Variants in HSF2BP observed in about 807,000 individuals in gnomAD.
HSF2BP encodes heat shock transcription factor 2 binding protein, also known as heat shock factor 2-binding protein.
In HSF2BP, 35 loss-of-function variants were observed where a neutral mutation model predicts 35.0. The observed-to-expected ratio is 1.00, with a 90% CI of 0.76 to 1.32. The LOEUF is 1.32. HSF2BP is among the 40% of genes most tolerant of loss of function. HSF2BP has a pLI of 0.00. For missense variants in HSF2BP, 326 were observed against 321.7 expected, an observed-to-expected ratio of 1.01 and a Z score of -0.10; for synonymous variants, 114 against 117.4, an observed-to-expected ratio of 0.97 and a Z score of 0.18.
chr21:43,642,948 G>A (rs572972114), intron 4 of HSF2BP, among the ~76,000 whole-genome samples: 2 of 152,058 alleles, frequency 1.3e-5, no homozygotes, highest in East Asian at 3.9e-4. Context: ...CTGACCGCAA[G>A]CGAACCGCCC....
chr21:43,594,246 C>A lies in HSF2BP; in HGVS notation c.693-1918G>T, dbSNP rs555937731. On this transcript the variant is annotated intron_variant, in intron 7 of 8. Coordinates refer to ENST00000291560, the MANE Select transcript of HSF2BP (RefSeq NM_007031.2). Reference sequence around the variant, plus strand: ...GAACTGAAAGAATTTGAAGGACAGACTTCAGAAAAAGGAAAATGACGTTGG... The same window carrying A: ...GAACTGAAAGAATTTGAAGGACAGAATTCAGAAAAAGGAAAATGACGTTGG... Among the ~76,000 whole-genome samples the A allele has an allele frequency of 2.0e-5, 3 of 152,222 alleles. No homozygotes were observed. The East Asian group carries it at 5.8e-4, about 29-fold the overall frequency.
Position 43,658,147 on chromosome 21 carries a change from C to G in HSF2BP, c.-51G>C. The G allele has an allele frequency of 6.7e-7, 1 of 1,484,034 alleles. No homozygotes were observed. Among genetic ancestry groups the G allele is most frequent in the Admixed American group, 2.3e-5 (1 of 42,878 alleles). The allele number at this position is 1,484,034 out of a possible 1,614,324, so 91.9% of individuals were successfully genotyped here. A position where few individuals can be genotyped will look rare whatever the true frequency, so the allele number is the denominator to read the frequency against. ...GCCTGAGCGTCGGCGCGCCCTCTGA[C>G]CCCTCACGCCAGAAAGCGCGGGAAC... On this transcript the variant is annotated 5_prime_UTR_variant, in exon 2 of 9. Transcript: ENST00000291560.
At chr21:43,577,693 G>A (rs1272927562) in intron 8 of HSF2BP, among the ~76,000 whole-genome samples, 1 of 152,126 alleles carries the variant, frequency 6.6e-6, no homozygotes, top group Non-Finnish European at 1.5e-5. Context: ...TATCCCCTGT[G>A]ACCTGCACGT....
chr21:43,573,691 C>T (rs778892119), intron 8 of HSF2BP, among the ~76,000 whole-genome samples: 3 of 152,066 alleles, frequency 2.0e-5, no homozygotes, highest in Non-Finnish European at 2.9e-5. Context: ...GTGCTGGTGG[C>T]GTCCTGGGGG....
At position 43,636,658 on chromosome 21, in the gene HSF2BP, G is replaced by A. The variant is rs190886745; in HGVS notation, c.292-3237C>T. Among the ~76,000 whole-genome samples the A allele has an allele frequency of 4.1e-3, 621 of 152,042 alleles. 8 individuals are homozygous for A. The highest frequency in any genetic ancestry group is 0.014 in the African/African-American group (586 of 41,474). ...GGTAATCCCAGCACTTTGAGAGGCC[G>A]AGGCAGGCGGATCACTTGAGGTCAG... On this transcript the variant is annotated intron_variant, in intron 4 of 8. Coordinates refer to ENST00000291560, the MANE Select transcript of HSF2BP (RefSeq NM_007031.2).
At chr21:43,653,205 GGGAA>G (rs2147121789) in intron 3 of HSF2BP, among the ~76,000 whole-genome samples, 1 of 19,824 alleles carries the variant, frequency 5.0e-5, no homozygotes, top group African/African-American at 1.6e-4. Flanking sequence ...GGAAGGGGAA[GGGAA>G]GGGAAGGGGA....
intron 5 of HSF2BP, among the ~76,000 whole-genome samples, chr21:43,630,970 A>G (rs2082448950): frequency 6.6e-6 from 1 of 152,234 alleles, no homozygotes; most frequent in African/African-American, 2.4e-5. Flanking sequence ...GAAGAATTTT[A>G]AAACCAATGT....
At chr21:43,633,067 C>T (rs891020284) in intron 5 of HSF2BP, among the ~76,000 whole-genome samples, 7 of 152,114 alleles carry the variant, frequency 4.6e-5, no homozygotes, top group African/African-American at 1.7e-4. Context: ...CACAAGGTCT[C>T]CTGGAGAGAA....
intron 8 of HSF2BP, among the ~76,000 whole-genome samples, chr21:43,583,939 A>AG (rs1221119593): frequency 3.0e-4 from 37 of 124,246 alleles, no homozygotes; most frequent in Admixed American, 7.0e-4. Context: ...AGGGAGATGA[A>AG]GACCTGCTAA....
chr21:43,629,213 G>T (rs2082425108), intron 6 of HSF2BP, among the ~76,000 whole-genome samples: 1 of 152,260 alleles, frequency 6.6e-6, no homozygotes, highest in Non-Finnish European at 1.5e-5. Flanking sequence ...TGATGGATCT[G>T]GGTGAAGTAA....
intron 7 of HSF2BP, among the ~76,000 whole-genome samples, chr21:43,596,904 A>AAAAAGAG (rs1555859800): frequency 4.4e-5 from 6 of 136,034 alleles, no homozygotes; most frequent in East Asian, 2.2e-4. Flanking sequence ...AAAAAAAAAA[A>AAAAAGAG]AGAGAATTTT....
intron 2 of HSF2BP, chr21:43,657,793 C>T (rs1200123327): frequency 1.0e-6 from 1 of 970,192 alleles, no homozygotes; most frequent in Non-Finnish European, 1.2e-6. Flanking sequence ...CCATCCCACG[C>T]TCCCATGCCC....
chr21:43,584,090 C>G (rs1324806350), intron 8 of HSF2BP, among the ~76,000 whole-genome samples: 4 of 143,486 alleles, frequency 2.8e-5, no homozygotes, highest in African/African-American at 1.1e-4. Flanking sequence ...GAAGGGCCTG[C>G]TGAGGGAGAT....
At chr21:43,630,243 A>G in intron 6 of HSF2BP, 79 bp downstream of exon 6, 1 of 1,275,836 alleles carries the variant, frequency 7.8e-7, no homozygotes, top group Non-Finnish European at 1.1e-6. Context: ...CATGTGACTC[A>G]TGTATTATTG....
At chr21:43,596,824 G>A (rs977209407) in intron 7 of HSF2BP, among the ~76,000 whole-genome samples, 6 of 151,102 alleles carry the variant, frequency 4.0e-5, no homozygotes, top group Middle Eastern at 6.8e-3. Flanking sequence ...TGTCAAGGCT[G>A]CAGGGTTGTG....
the HSF2BP span, among the ~76,000 whole-genome samples, chr21:43,496,070 ATCAC>A: frequency 7.4e-6 from 1 of 134,876 alleles, no homozygotes; most frequent in African/African-American, 2.7e-5. Flanking sequence ...GCCACACACT[ATCAC>A]TCACACATGC....
chr21:43,592,132 TCTA>T (rs1364337168), intron 8 of HSF2BP, 90 bp downstream of exon 8: 1 of 763,788 alleles, frequency 1.3e-6, no homozygotes, highest in Non-Finnish European at 2.3e-6. Flanking sequence ...GTTTCAGACA[TCTA>T]CTAGGAAACT....
At chr21:43,636,263 GAAAAGAAAAA>G (rs1182451130) in intron 4 of HSF2BP, among the ~76,000 whole-genome samples, 60 of 101,928 alleles carry the variant, frequency 5.9e-4, no homozygotes, top group Non-Finnish European at 7.7e-4. Context: ...GAAAAGAAAA[GAAAAGAAAAA>G]ACGAAGGGGA....
rs761161174 is a variant in HSF2BP, at chr21:43,644,393, C to T, written c.188-1G>A. On this transcript the variant is annotated splice_acceptor_variant, in intron 3 of 8. Coordinates refer to ENST00000291560, the MANE Select transcript of HSF2BP (RefSeq NM_007031.2). LOFTEE classifies it high-confidence loss of function. ...AATTCTTGCTCTTTCCTTTCCAGGT[C>T]TAGGAGAAAGACATAAAATTACTCA... The T allele has an allele frequency of 6.2e-7, 1 of 1,610,552 alleles. No homozygotes were observed. The highest frequency in any genetic ancestry group is 1.1e-5 in the South Asian group (1 of 91,000).
Sources: allele counts gnomAD v4.1 joint callset (sites outside exome capture counted in the v4.1 genomes callset), GRCh38; gene constraint gnomAD v4.1.1; transcripts MANE v1.5; gene names NCBI Gene and HGNC (gene_info 2026-07-23, HGNC 2026-07-21).